Variants in RELN observed in about 807,000 individuals in gnomAD.
The protein encoded by RELN is reelin.
In RELN, 108 loss-of-function variants were observed where a neutral mutation model predicts 427.6. The observed-to-expected ratio is 0.25, with a 90% CI of 0.22 to 0.30. The LOEUF (loss-of-function observed/expected upper bound fraction) is 0.30. Among genes scored for constraint, RELN ranks in the 10% least tolerant of loss-of-function variants. RELN has a pLI of 1.00. For synonymous variants in RELN, 1,524 were observed against 1,513.4 expected (o/e 1.01, Z -0.16); for missense variants, 3,715 against 4,302.8 (o/e 0.86, Z 3.82).
At chr7:103,981,736 T>C (rs1356283792) in intron 1 of RELN, among the ~76,000 whole-genome samples, 1 of 152,382 alleles carries the variant, frequency 6.6e-6, no homozygotes, top group Admixed American at 6.5e-5. Flanking sequence ...TCCACCATCA[T>C]TGGCATGTGG....
intron 31 of RELN, among the ~76,000 whole-genome samples, chr7:103,570,617 C>G (rs1389910407): frequency 6.6e-6 from 1 of 152,196 alleles, no homozygotes; most frequent in East Asian, 1.9e-4. Flanking sequence ...TCATTAGTGC[C>G]CCACTGGTTC....
At chr7:103,722,649 G>A (rs1481076519) in intron 8 of RELN, among the ~76,000 whole-genome samples, 1 of 152,124 alleles carries the variant, frequency 6.6e-6, no homozygotes, top group African/African-American at 2.4e-5. Context: ...GCACTTAAAG[G>A]AAACACTGCC....
chr7:103,591,451 A>C (rs942006052), intron 27 of RELN, among the ~76,000 whole-genome samples: 4 of 152,194 alleles, frequency 2.6e-5, no homozygotes, highest in Admixed American at 6.5e-5. Context: ...TTCCATACTC[A>C]CAGCTAGAAA....
At chr7:103,841,474 T>A (rs1563044819) in intron 2 of RELN, among the ~76,000 whole-genome samples, 1 of 152,168 alleles carries the variant, frequency 6.6e-6, no homozygotes, top group Non-Finnish European at 1.5e-5. Flanking sequence ...AAGATTTGAC[T>A]CACAATGTCT....
chr7:103,577,704 A>C (rs2117213220), intron 28 of RELN, among the ~76,000 whole-genome samples: 1 of 152,298 alleles, frequency 6.6e-6, no homozygotes, highest in South Asian at 2.1e-4. Flanking sequence ...AGCATTTGTC[A>C]ACTACTCTTA....
chr7:103,539,138 C>A lies in RELN; in HGVS notation c.7120G>T (p.Glu2374Ter), dbSNP rs1272217791. ...AAGTCTATCTGTAGGAAGGAATCCT[C>A]ATTCACGGCAACGTCTGTGCTGACC... ...YVVSTDVAVN[E>*]DSFLQIDFAA... Residue 2374 changes from glutamate (E) to a stop codon, truncating the protein, a stop_gained, in exon 45 of 65, where the codon GAG becomes TAG. Coordinates refer to ENST00000428762, the MANE Select transcript of RELN (RefSeq NM_005045.4). LOFTEE classifies it high-confidence loss of function. 1 of 1,614,084 alleles carries A rather than the reference C, an allele frequency of 6.2e-7. No individual in the cohort carries two copies. The highest frequency in any genetic ancestry group is 1.3e-5 in the African/African-American group (1 of 74,932).
At chr7:103,856,614 A>C (rs1033968729) in intron 2 of RELN, among the ~76,000 whole-genome samples, 6 of 150,732 alleles carry the variant, frequency 4.0e-5, no homozygotes, top group Non-Finnish European at 7.4e-5. Context: ...AAAAGCAAAT[A>C]TGTTGACAAA....
At chr7:103,677,975 C>T (rs555760949) in intron 11 of RELN, among the ~76,000 whole-genome samples, 1 of 152,108 alleles carries the variant, frequency 6.6e-6, no homozygotes, top group South Asian at 2.1e-4. Context: ...GGTCCAACTA[C>T]AGGTCACTTT....
chr7:103,535,692 A>C (rs1448220931), intron 45 of RELN, among the ~76,000 whole-genome samples: 1 of 147,202 alleles, frequency 6.8e-6, no homozygotes, highest in Admixed American at 6.9e-5. Context: ...TCCATGTTGA[A>C]ATAACTTTTA....
In RELN at chr7:103,652,571, T is replaced by C; in HGVS notation, c.1743A>G (p.Gly581=). The change falls in exon 14 of 65, where the codon GGA becomes GGG. Residue 581 remains glycine (G), a synonymous_variant. Coordinates refer to ENST00000428762, the MANE Select transcript of RELN (RefSeq NM_005045.4). ...CCTACCTGTTACCAGGCTGATGCGT[T>C]CCACATCCCAGATTGATGGAAAACT... ...MIQFSINLGC[G]THQPGNSVSL... The C allele has an allele frequency of 6.2e-7, 1 of 1,612,740 alleles. No homozygotes were observed. The highest frequency in any genetic ancestry group is 1.1e-5 in the South Asian group (1 of 91,062).
chr7:103,875,549 T>TA (rs1168669784), intron 2 of RELN, among the ~76,000 whole-genome samples: 3 of 152,282 alleles, frequency 2.0e-5, no homozygotes, highest in African/African-American at 7.2e-5. Context: ...ACTTAACAGA[T>TA]ATTTAATGTG....
In RELN at chr7:103,515,412, G is replaced by C; in HGVS notation, c.7892C>G (p.Ala2631Gly). 1 of 1,614,122 alleles carries C rather than the reference G, an allele frequency of 6.2e-7. No individual in the cohort carries two copies. Among genetic ancestry groups the C allele is most frequent in the East Asian group, 2.2e-5 (1 of 44,870 alleles). ...GFVNILLPPD[A>G]KEIATRFRWW... ...GCGGAAGCGAGTGGCAATCTCTTTA[G>C]CATCAGGAGGGAGAAGGATATTCAC... is the stretch of plus-strand genomic sequence containing the variant. The change falls in exon 50 of 65, where the codon GCT becomes GGT. Residue 2631 changes from alanine (A) to glycine (G), a missense_variant. Physicochemically the swap from Ala to Gly is moderately conservative, Grantham distance 60 (BLOSUM62 0). Around this residue, in one of 4 missense-constraint regions of RELN, gnomAD observed 1,310 missense variants for 1,643.0 expected, o/e 0.80. Coordinates refer to ENST00000428762, the MANE Select transcript of RELN (RefSeq NM_005045.4).
chr7:103,842,220 T>C (rs1346819122), intron 2 of RELN, among the ~76,000 whole-genome samples: 3 of 152,052 alleles, frequency 2.0e-5, no homozygotes, highest in Non-Finnish European at 2.9e-5. Context: ...TCATTTGCTC[T>C]TTCTTTAAAA....
At position 103,535,353 on chromosome 7, in the gene RELN, A is replaced by G; in HGVS notation, c.7312T>C (p.Trp2438Arg). The G allele has an allele frequency of 6.2e-7, 1 of 1,614,052 alleles. No homozygotes were observed. Among genetic ancestry groups the G allele is most frequent in the Non-Finnish European group, 8.5e-7 (1 of 1,179,962 alleles). Reference sequence around the variant, plus strand: ...GGGAGAGGCAGAGTGATTCTAGTCCACTTGTTGAAAGTGTCTGACACCAGG... The same window carrying G: ...GGGAGAGGCAGAGTGATTCTAGTCCGCTTGTTGAAAGTGTCTGACACCAGG... The part of the protein sequence containing the change: ...RILVSDTFNK[W>R]TRITLPLPPY... The change falls in exon 46 of 65, where the codon TGG becomes CGG. Residue 2438 changes from tryptophan (W) to arginine (R), a missense_variant. By Grantham distance (101) the Trp-to-Arg change is moderately radical. Coordinates refer to ENST00000428762, the MANE Select transcript of RELN (RefSeq NM_005045.4).
At chr7:103,794,560 C>A (rs1792250869) in intron 3 of RELN, among the ~76,000 whole-genome samples, 1 of 152,108 alleles carries the variant, frequency 6.6e-6, no homozygotes, top group Admixed American at 6.6e-5. Flanking sequence ...CAAAAACAGG[C>A]AGAAAGAATA....
chr7:103,506,733 G>T (rs547486263), intron 51 of RELN, among the ~76,000 whole-genome samples: 1 of 152,296 alleles, frequency 6.6e-6, no homozygotes, highest in South Asian at 2.1e-4. Flanking sequence ...ATGTAAATGG[G>T]CTAAATGCCC....
At position 103,519,443 on chromosome 7, in the gene RELN, T is replaced by C; in HGVS notation, c.7742A>G (p.Tyr2581Cys). ...NAEFIQFYFM[Y>C]GCLITPNNRN... is the part of the protein sequence containing the mutation. ...GTTGTTTGGTGTAATCAGGCACCCA[T>C]ACATGAAGTAAAATTGGATGAACTC... Residue 2581 changes from tyrosine to cysteine, a missense_variant, in exon 49 of 65, where the codon TAT becomes TGT. Coordinates refer to ENST00000428762, the MANE Select transcript of RELN (RefSeq NM_005045.4). 5.0e-6 allele frequency: 8 copies of C among 1,613,380 alleles called. No individual in the cohort carries two copies. Among genetic ancestry groups the C allele is most frequent in the Non-Finnish European group, 6.8e-6 (8 of 1,179,366 alleles).
intron 2 of RELN, among the ~76,000 whole-genome samples, chr7:103,892,639 G>A (rs985457117): frequency 6.6e-5 from 10 of 152,076 alleles, no homozygotes; most frequent in African/African-American, 2.4e-4. Flanking sequence ...CACATTTGTA[G>A]TATTTTATAA....
chr7:103,913,769 A>G (rs1251775053), intron 2 of RELN, among the ~76,000 whole-genome samples: 1 of 152,236 alleles, frequency 6.6e-6, no homozygotes, highest in Non-Finnish European at 1.5e-5. Context: ...TTATTCATGA[A>G]AATTAACTTT....
Sources: allele counts gnomAD v4.1 joint callset (sites outside exome capture counted in the v4.1 genomes callset), GRCh38; gene constraint gnomAD v4.1.1; regional missense constraint gnomAD v4.1.1; transcripts MANE v1.5; gene names NCBI Gene and HGNC (gene_info 2026-07-23, HGNC 2026-07-21).